The following ZFPM2 variants were observed in gnomAD, a reference collection of about 807,000 sequenced individuals.
ZFPM2 encodes the protein zinc finger protein, FOG family member 2, also known as zinc finger protein ZFPM2.
In ZFPM2, 20 loss-of-function variants were observed where a neutral mutation model predicts 98.6. The ratio of observed to expected loss-of-function variants is 0.20; its 90% CI spans 0.14 to 0.29. The LOEUF (loss-of-function observed/expected upper bound fraction) is 0.29, where lower values mean the gene tolerates loss of function less well. Among genes scored for constraint, ZFPM2 ranks in the 10% least tolerant of loss-of-function variants. The pLI, the probability that ZFPM2 is intolerant of heterozygous loss-of-function variation, is 1.00. For missense variants in ZFPM2, 1,310 were observed against 1,388.6 expected (o/e 0.94, Z 0.90); for synonymous variants, 518 against 502.7 (o/e 1.03, Z -0.41).
intron 5 of ZFPM2, among the ~76,000 whole-genome samples, chr8:105,744,999 A>G (rs368959614): frequency 1.3e-5 from 2 of 152,136 alleles, no homozygotes; most frequent in East Asian, 3.9e-4. Context: ...TAGAAACGCT[A>G]TATCTTCTGC....
chr8:105,651,002 GT>G (rs1181905790), intron 5 of ZFPM2, among the ~76,000 whole-genome samples: 1 of 152,040 alleles, frequency 6.6e-6, no homozygotes, highest in Admixed American at 6.5e-5. Context: ...TTCTTGTTCA[GT>G]TTTTGTCTTT....
chr8:105,413,004 A>C (rs1200248870), intron 1 of ZFPM2, among the ~76,000 whole-genome samples: 1 of 151,948 alleles, frequency 6.6e-6, no homozygotes, highest in East Asian at 1.9e-4. Context: ...TTCCTACTGC[A>C]TAATTAAGAG....
chr8:105,560,342 C>T (rs774972574), intron 3 of ZFPM2, among the ~76,000 whole-genome samples: 4 of 151,972 alleles, frequency 2.6e-5, no homozygotes, highest in Non-Finnish European at 4.4e-5. Context: ...TTCATTCCTT[C>T]ATATTCTCAT....
At chr8:105,394,586 AAAG>A (rs1289783959) in intron 1 of ZFPM2, among the ~76,000 whole-genome samples, 2 of 152,208 alleles carry the variant, frequency 1.3e-5, no homozygotes, top group Non-Finnish European at 2.9e-5. Context: ...TTTAAACAAA[AAAG>A]CTGTCTCTTT....
At chr8:105,377,643 A>AGTGGT (rs1810757319) in intron 1 of ZFPM2, among the ~76,000 whole-genome samples, 1 of 141,552 alleles carries the variant, frequency 7.1e-6, no homozygotes, top group Non-Finnish European at 1.5e-5. Context: ...AGCCAGATGT[A>AGTGGT]GTGGTGCACA....
chr8:105,342,578 A>G (rs1563612438), intron 1 of ZFPM2, among the ~76,000 whole-genome samples: 1 of 152,068 alleles, frequency 6.6e-6, no homozygotes, highest in Non-Finnish European at 1.5e-5. Flanking sequence ...AATAAGCTAT[A>G]TAAGACAGCC....
At position 105,798,958 on chromosome 8, in the gene ZFPM2, C is replaced by T. The variant is rs1179659193; in HGVS notation, c.964+10C>T. On this transcript the variant is annotated intron_variant, in intron 7 of 7. Transcript: ENST00000407775. ...CTGAATTCACACAGTGGTAAATGCCCCTTTTGTTTCTTCTGTTGCTCCAGA... is the reference window on the plus strand; with the variant it reads ...CTGAATTCACACAGTGGTAAATGCCTCTTTTGTTTCTTCTGTTGCTCCAGA... 1.2e-6 allele frequency: 2 copies of T among 1,606,300 alleles called. No homozygotes were observed. The highest frequency in any genetic ancestry group is 1.7e-6 in the Non-Finnish European group (2 of 1,174,208).
At chr8:105,603,942 G>T (rs1204180847) in intron 4 of ZFPM2, among the ~76,000 whole-genome samples, 1 of 151,860 alleles carries the variant, frequency 6.6e-6, no homozygotes, top group Non-Finnish European at 1.5e-5. Context: ...TAAATATTGA[G>T]TCCAGGACTC....
At chr8:105,479,632 G>A (rs933685378) in intron 3 of ZFPM2, among the ~76,000 whole-genome samples, 1 of 152,164 alleles carries the variant, frequency 6.6e-6, no homozygotes, top group Admixed American at 6.5e-5. Context: ...AAACAAGGAG[G>A]AAATTGTTGG....
At chr8:105,328,278 G>A (rs1440491270) in intron 1 of ZFPM2, among the ~76,000 whole-genome samples, 1 of 151,780 alleles carries the variant, frequency 6.6e-6, no homozygotes, top group East Asian at 1.9e-4. Context: ...TTAATGGAAT[G>A]CTTATATTCA....
chr8:105,584,282 TA>T (rs201425688), intron 4 of ZFPM2, among the ~76,000 whole-genome samples: 1,764 of 152,246 alleles, frequency 0.012, 27 homozygotes, highest in African/African-American at 0.04. Flanking sequence ...ACTTTTATTT[TA>T]TTTTTTTTCT....
intron 1 of ZFPM2, among the ~76,000 whole-genome samples, chr8:105,396,613 T>G (rs1811223182): frequency 6.6e-6 from 1 of 151,962 alleles, no homozygotes; most frequent in Non-Finnish European, 1.5e-5. Flanking sequence ...GGAAAAGAGG[T>G]TCTTAATCTG....
At chr8:105,671,300 T>A (rs1483050280) in intron 5 of ZFPM2, among the ~76,000 whole-genome samples, 1 of 151,974 alleles carries the variant, frequency 6.6e-6, no homozygotes. Flanking sequence ...TAGGTTAAAA[T>A]GTTGAGCTCT....
chr8:105,489,466 A>ATATATATATATATATATATATATATTTT (rs1554610604), intron 3 of ZFPM2, among the ~76,000 whole-genome samples: 1 of 119,778 alleles, frequency 8.3e-6, no homozygotes, highest in African/African-American at 3.6e-5. Context: ...ATATATATAT[A>ATATATATATATATATATATATATATTTT]TTTTTTTTTT....
intron 5 of ZFPM2, among the ~76,000 whole-genome samples, chr8:105,687,235 T>A (rs963204166): frequency 6.6e-6 from 1 of 152,168 alleles, no homozygotes; most frequent in Non-Finnish European, 1.5e-5. Flanking sequence ...CCTATTCCCC[T>A]CCCCAATGCA....
chr8:105,413,739 A>C (rs532873750), intron 1 of ZFPM2, among the ~76,000 whole-genome samples: 1 of 151,934 alleles, frequency 6.6e-6, no homozygotes, highest in South Asian at 2.1e-4. Flanking sequence ...TAAGATCTTG[A>C]GAAATGTATC....
At chr8:105,585,565 G>T (rs1174105677) in intron 4 of ZFPM2, among the ~76,000 whole-genome samples, 2 of 152,338 alleles carry the variant, frequency 1.3e-5, no homozygotes, top group South Asian at 2.1e-4. Flanking sequence ...CAGACACAAT[G>T]TAAGATGTTG....
intron 4 of ZFPM2, among the ~76,000 whole-genome samples, chr8:105,572,446 T>C (rs911330585): frequency 5.0e-4 from 76 of 152,174 alleles, no homozygotes; most frequent in African/African-American, 1.7e-3. Context: ...TTTTTGCCTG[T>C]TAATTTAAAT....
intron 3 of ZFPM2, among the ~76,000 whole-genome samples, chr8:105,454,504 G>A (rs1812549629): frequency 6.6e-6 from 1 of 152,190 alleles, no homozygotes; most frequent in Admixed American, 6.5e-5. Flanking sequence ...ATGCTCACTT[G>A]TGCTATCACT....
Sources: gnomAD v4.1 joint callset for allele counts (sites outside exome capture counted in the v4.1 genomes callset) on GRCh38, gnomAD v4.1.1 for gene constraint, MANE v1.5 for transcripts, NCBI Gene and HGNC (gene_info 2026-07-23, HGNC 2026-07-21) for gene names.